ZCCHC7: variants seen among roughly 807,000 people sequenced by gnomAD.
ZCCHC7 encodes the protein zinc finger CCHC domain-containing protein 7.
ZCCHC7 carries 35 observed loss-of-function variants against 52.0 expected under a neutral mutation model. That is an observed-to-expected ratio of 0.67 (90% CI 0.51 to 0.89). ZCCHC7 has a LOEUF of 0.89. ZCCHC7 is among the 40% of genes least tolerant of loss of function. The pLI, the probability that ZCCHC7 is intolerant of heterozygous loss-of-function variation, is 0.00. For missense variants in ZCCHC7, 574 were observed against 649.1 expected (o/e 0.88, Z 1.26); for synonymous variants, 217 against 221.5 (o/e 0.98, Z 0.18).
chr9:37,255,484 T>G (rs1182284436), intron 2 of ZCCHC7, among the ~76,000 whole-genome samples: 1 of 152,144 alleles, frequency 6.6e-6, no homozygotes, highest in Non-Finnish European at 1.5e-5. Flanking sequence ...ATCATGCTAC[T>G]CAGAATGGCG....
chr9:37,314,412 T>G (rs528298048), intron 5 of ZCCHC7, among the ~76,000 whole-genome samples: 1 of 152,180 alleles, frequency 6.6e-6, no homozygotes, highest in East Asian at 1.9e-4. Context: ...AATTTCAAAC[T>G]TATTATATGC....
intron 6 of ZCCHC7, among the ~76,000 whole-genome samples, chr9:37,346,795 G>GT (rs1821003200): frequency 6.6e-6 from 1 of 152,196 alleles, no homozygotes; most frequent in Non-Finnish European, 1.5e-5. Flanking sequence ...GGGCAACATA[G>GT]TGAGTCCCTG....
intron 2 of ZCCHC7, chr9:37,205,251 T>C: frequency 2.9e-6 from 1 of 349,156 alleles, no homozygotes; most frequent in Non-Finnish European, 5.6e-6. Context: ...GTAACATTTG[T>C]GAGGTGTTCC....
At chr9:37,310,980 AT>A (rs1235893804) in intron 5 of ZCCHC7, among the ~76,000 whole-genome samples, 3 of 149,704 alleles carry the variant, frequency 2.0e-5, no homozygotes, top group Non-Finnish European at 4.4e-5. Flanking sequence ...AAAAAAAAAA[AT>A]CAATATATTA....
intron 6 of ZCCHC7, among the ~76,000 whole-genome samples, chr9:37,330,323 C>T (rs1007372335): frequency 2.0e-4 from 30 of 151,626 alleles, no homozygotes; most frequent in African/African-American, 7.2e-4. Context: ...ATATCTTCAA[C>T]AACCTGTATA....
intron 5 of ZCCHC7, among the ~76,000 whole-genome samples, chr9:37,311,148 A>G (rs1030780916): frequency 2.6e-5 from 4 of 152,112 alleles, no homozygotes; most frequent in Non-Finnish European, 5.9e-5. Flanking sequence ...TACTGCTCAC[A>G]AGAGACCATT....
chr9:37,132,758 A>G (rs1355231532), intron 2 of ZCCHC7, among the ~76,000 whole-genome samples: 11 of 152,176 alleles, frequency 7.2e-5, no homozygotes, highest in Non-Finnish European at 1.3e-4. Context: ...GGGGTGTCCA[A>G]TCTTTTGGCT....
At chr9:37,317,545 C>A (rs1016562465) in intron 5 of ZCCHC7, among the ~76,000 whole-genome samples, 1 of 151,424 alleles carries the variant, frequency 6.6e-6, no homozygotes, top group Non-Finnish European at 1.5e-5. Context: ...GAGTTCATCT[C>A]AAAAAAAGAC....
At chr9:37,121,329 A>G (rs1483018587) in intron 1 of ZCCHC7, among the ~76,000 whole-genome samples, 1 of 152,196 alleles carries the variant, frequency 6.6e-6, no homozygotes, top group Non-Finnish European at 1.5e-5. Flanking sequence ...TTCAGATTGC[A>G]CAGTTGAATT....
chr9:37,271,725 A>G (rs1304955582), intron 2 of ZCCHC7, among the ~76,000 whole-genome samples: 1 of 152,084 alleles, frequency 6.6e-6, no homozygotes, highest in Non-Finnish European at 1.5e-5. Flanking sequence ...GTGCGCCAAC[A>G]TGCCTGGCTA....
intron 2 of ZCCHC7, among the ~76,000 whole-genome samples, chr9:37,207,100 T>C (rs1401517567): frequency 6.6e-6 from 1 of 152,230 alleles, no homozygotes; most frequent in East Asian, 1.9e-4. Flanking sequence ...TACTCCAGCC[T>C]GGATGACAAA....
intron 2 of ZCCHC7, among the ~76,000 whole-genome samples, chr9:37,242,318 C>G (rs764425317): frequency 7.3e-4 from 111 of 151,852 alleles, no homozygotes; most frequent in Non-Finnish European, 1.3e-3. Flanking sequence ...GAGTTTTTCT[C>G]TAGCATCTAA....
chr9:37,256,370 C>T (rs1024798094), intron 2 of ZCCHC7, among the ~76,000 whole-genome samples: 4 of 152,124 alleles, frequency 2.6e-5, no homozygotes, highest in Admixed American at 1.3e-4. Context: ...ATCTGTGTTG[C>T]TAGTAATACT....
intron 2 of ZCCHC7, among the ~76,000 whole-genome samples, chr9:37,200,916 C>G (rs1207410773): frequency 6.6e-6 from 1 of 152,172 alleles, no homozygotes; most frequent in Non-Finnish European, 1.5e-5. Flanking sequence ...AATGTTAAGT[C>G]TTCATCACAC....
intron 2 of ZCCHC7, among the ~76,000 whole-genome samples, chr9:37,299,657 G>A (rs117658226): frequency 6.6e-6 from 1 of 152,152 alleles, no homozygotes; most frequent in Non-Finnish European, 1.5e-5. Flanking sequence ...TCATTACTAG[G>A]TTCAAATCAA....
chr9:37,332,799 TAAAGG>T (rs1350585421), intron 6 of ZCCHC7, among the ~76,000 whole-genome samples: 6 of 151,662 alleles, frequency 4.0e-5, no homozygotes, highest in South Asian at 2.1e-4. Flanking sequence ...AAAGCTACTG[TAAAGG>T]AAAGGGGGAA....
intron 2 of ZCCHC7, among the ~76,000 whole-genome samples, chr9:37,137,594 C>T (rs1295686722): frequency 2.0e-5 from 3 of 152,076 alleles, no homozygotes; most frequent in Admixed American, 6.5e-5. Context: ...CTGTTTTTTG[C>T]GTACATACCT....
At chr9:37,185,288 C>T (rs1822592244) in intron 2 of ZCCHC7, among the ~76,000 whole-genome samples, 1 of 152,028 alleles carries the variant, frequency 6.6e-6, no homozygotes, top group Non-Finnish European at 1.5e-5. Flanking sequence ...GATCATCTAC[C>T]ATCATTTGGA....
intron 2 of ZCCHC7, among the ~76,000 whole-genome samples, chr9:37,218,073 TATGGAAAAGAGACAAA>T (rs1824604896): frequency 6.6e-6 from 1 of 152,188 alleles, no homozygotes; most frequent in Non-Finnish European, 1.5e-5. Flanking sequence ...TGAAAAATCG[TATGGAAAAGAGACAAA>T]TTTAGGGCCA....
Sources: allele counts gnomAD v4.1 joint callset (sites outside exome capture counted in the v4.1 genomes callset), GRCh38; gene constraint gnomAD v4.1.1; transcripts MANE v1.5; gene names NCBI Gene and HGNC (gene_info 2026-07-23, HGNC 2026-07-21).